TOLLIP: variants seen among roughly 807,000 people sequenced by gnomAD.
The protein encoded by TOLLIP is toll interacting protein, also known as toll-interacting protein.
In TOLLIP, 16 loss-of-function variants were observed where a neutral mutation model predicts 33.5. The ratio of observed to expected loss-of-function variants is 0.48; its 90% CI spans 0.32 to 0.72. The LOEUF (loss-of-function observed/expected upper bound fraction) is 0.72, where lower values mean the gene tolerates loss of function less well. Among genes scored for constraint, TOLLIP ranks in the 30% least tolerant of loss-of-function variants. The pLI, the probability that TOLLIP is intolerant of heterozygous loss-of-function variation, is 0.03. For synonymous variants in TOLLIP, 176 were observed against 163.7 expected, an observed-to-expected ratio of 1.07 and a Z score of -0.57; for missense variants, 325 against 396.6, an observed-to-expected ratio of 0.82 and a Z score of 1.53.
intron 1 of TOLLIP, among the ~76,000 whole-genome samples, chr11:1,308,679 TATC>T (rs1360608367): frequency 2.0e-5 from 3 of 152,274 alleles, no homozygotes; most frequent in Non-Finnish European, 4.4e-5. Flanking sequence ...TCCTGGCGCC[TATC>T]CTCTCATTTG....
At chr11:1,298,595 CTAATGATCAAGTG>C (rs1864179020) in intron 1 of TOLLIP, 1 of 152,242 alleles carries the variant, frequency 6.6e-6, no homozygotes, top group Non-Finnish European at 1.5e-5. Flanking sequence ...ATCCAAAGGC[CTAATGATCAAGTG>C]TCATTTTTCA....
In TOLLIP at chr11:1,290,111, G is replaced by A. The variant is rs1009805589; in HGVS notation, c.366+116C>T. 4.0e-6 allele frequency: 4 copies of A among 999,290 alleles called. No homozygotes were observed. In the African/African-American group the frequency reaches 6.4e-5, roughly 16 times the overall value. The allele number at this position is 999,290 out of a possible 1,614,324, so 61.9% of individuals were successfully genotyped here. A position where few individuals can be genotyped will look rare whatever the true frequency, so the allele number is the denominator to read the frequency against. On this transcript the variant is annotated intron_variant, in intron 3 of 5. Coordinates refer to ENST00000317204, the MANE Select transcript of TOLLIP (RefSeq NM_019009.4). The surrounding 1 kb of genome is among the most constrained non-coding windows in gnomAD (Gnocchi z 4.9). ...TGTCATGCACCCAATGAAACACCAG[G>A]TGGGGAGCCACGCCTCGAAGCCAGC...
rs183485200 is a variant in TOLLIP, at chr11:1,305,316, C to T, written c.33+4150G>A. Among the ~76,000 whole-genome samples the T allele has an allele frequency of 1.6e-4, 25 of 152,346 alleles. No homozygotes were observed. In the East Asian group the frequency reaches 3.1e-3, roughly 19 times the overall value. On this transcript the variant is annotated intron_variant, in intron 1 of 5. Transcript: ENST00000317204. ...CTCAGGTGCAGTCAGCAGGAACGGACGCCCTCCCAGGAGCAGCCCACCAGA... is the reference window on the plus strand; with the variant it reads ...CTCAGGTGCAGTCAGCAGGAACGGATGCCCTCCCAGGAGCAGCCCACCAGA...
At chr11:1,289,179 C>G (rs1265330819) in intron 3 of TOLLIP, among the ~76,000 whole-genome samples, 2 of 152,194 alleles carry the variant, frequency 1.3e-5, no homozygotes, top group Non-Finnish European at 2.9e-5. Flanking sequence ...CTGGAAAGGA[C>G]ACGGGGTCTG....
intron 4 of TOLLIP, among the ~76,000 whole-genome samples, chr11:1,288,265 C>T (rs1418038737): frequency 1.3e-5 from 2 of 152,198 alleles, no homozygotes; most frequent in Non-Finnish European, 2.9e-5. Flanking sequence ...TATCTCAGAC[C>T]CTGGAGGGCT....
intron 1 of TOLLIP, among the ~76,000 whole-genome samples, chr11:1,300,869 GC>G (rs2133927455): frequency 6.6e-6 from 1 of 152,306 alleles, no homozygotes; most frequent in African/African-American, 2.4e-5. Context: ...TCCATGACTG[GC>G]CCCCTGCGGA....
At chr11:1,285,236 G>A (rs537400118) in intron 5 of TOLLIP, among the ~76,000 whole-genome samples, 3 of 152,238 alleles carry the variant, frequency 2.0e-5, no homozygotes, top group South Asian at 4.1e-4. Context: ...TCCACCCTCC[G>A]TGCAGAGGGA....
Position 1,278,000 on chromosome 11 carries a change from C to T in TOLLIP, c.611-747G>A, listed in dbSNP as rs1353620859. On this transcript the variant is annotated intron_variant, in intron 5 of 5. Transcript: ENST00000317204. This position sits in a 1 kb window ranked among gnomAD's most constrained non-coding sequence, Gnocchi z 4.2. ...CTCCACCCCACAGCTACGCAGGCCC[C>T]TCGCCCCATGTCTGATGCGGGAGGA... Among the ~76,000 whole-genome samples, 1 of 152,226 alleles carries T rather than the reference C, an allele frequency of 6.6e-6. No homozygotes were observed. Among genetic ancestry groups the T allele is most frequent in the East Asian group, 1.9e-4 (1 of 5,200 alleles).
chr11:1,308,517 AGGCCC>A (rs1864480097), intron 1 of TOLLIP, among the ~76,000 whole-genome samples: 1 of 152,238 alleles, frequency 6.6e-6, no homozygotes, highest in African/African-American at 2.4e-5. Flanking sequence ...CAATGCAAGA[AGGCCC>A]TAACAGTGAG....
rs551140859 is a variant in TOLLIP at position 1,303,598 on chromosome 11, A to G, written c.33+5868T>C. 6.6e-6 allele frequency among the ~76,000 whole-genome samples: 1 copy of G among 152,368 alleles called. No homozygotes were observed. The highest frequency in any genetic ancestry group is 2.4e-5 in the African/African-American group (1 of 41,600). On this transcript the variant is annotated intron_variant, in intron 1 of 5. Transcript: ENST00000317204. This position sits in a 1 kb window ranked among gnomAD's most constrained non-coding sequence, Gnocchi z 4.2. ...GGGCACGCTGCACTTCCCACAGGGC[A>G]GCAAGGCAGGCCTCACCAGCACGGT...
intron 4 of TOLLIP, among the ~76,000 whole-genome samples, chr11:1,287,454 T>C (rs1471404564): frequency 2.0e-4 from 1 of 5,120 alleles, no homozygotes; most frequent in African/African-American, 5.8e-4. Context: ...CGCCGCACCC[T>C]CCCCGCCGCA....
chr11:1,289,373 C>A (rs1465696267), intron 3 of TOLLIP, among the ~76,000 whole-genome samples: 1 of 152,246 alleles, frequency 6.6e-6, no homozygotes, highest in Non-Finnish European at 1.5e-5. Flanking sequence ...CAGTCTCTAG[C>A]CTCACAATGC....
chr11:1,276,893 A>G lies in TOLLIP; in HGVS notation c.*146T>C. ...CGAAAACCCACATGCACCCAAGAACAGGTGTGGACGGGGCGGCACAGAAGT... is the reference window on the plus strand; with the variant it reads ...CGAAAACCCACATGCACCCAAGAACGGGTGTGGACGGGGCGGCACAGAAGT... On this transcript the variant is annotated 3_prime_UTR_variant, in exon 6 of 6. Coordinates refer to ENST00000317204, the MANE Select transcript of TOLLIP (RefSeq NM_019009.4). The G allele has an allele frequency of 1.9e-6, 3 of 1,554,282 alleles. No individual in the cohort carries two copies. In the South Asian group the frequency reaches 3.5e-5, roughly 18 times the overall value.
At chr11:1,299,088 G>A (rs541055438) in intron 1 of TOLLIP, among the ~76,000 whole-genome samples, 2 of 152,236 alleles carry the variant, frequency 1.3e-5, no homozygotes, top group Non-Finnish European at 2.9e-5. Context: ...AGCTGTTCCC[G>A]GGGAGGGGAG....
chr11:1,300,574 G>A (rs1011958287), intron 1 of TOLLIP, among the ~76,000 whole-genome samples: 3 of 152,196 alleles, frequency 2.0e-5, no homozygotes, highest in East Asian at 1.9e-4. Context: ...TTGGTGACAC[G>A]TCTCCAACGG....
At chr11:1,285,596 G>A (rs766389620) in intron 5 of TOLLIP, among the ~76,000 whole-genome samples, 4 of 152,094 alleles carry the variant, frequency 2.6e-5, no homozygotes, top group Non-Finnish European at 4.4e-5. Flanking sequence ...ACGGCGCAGC[G>A]CAGGGCACGC....
At position 1,290,756 on chromosome 11, in the gene TOLLIP, A is replaced by T. The variant is rs909778870; in HGVS notation, c.184-347T>A. Among the ~76,000 whole-genome samples, 32 of 152,184 alleles carry T rather than the reference A, an allele frequency of 2.1e-4. No individual in the cohort carries two copies. Among genetic ancestry groups the T allele is most frequent in the Admixed American group, 7.9e-4 (12 of 15,278 alleles). On this transcript the variant is annotated intron_variant, in intron 2 of 5. Transcript: ENST00000317204. The surrounding 1 kb of genome is among the most constrained non-coding windows in gnomAD (Gnocchi z 4.9). Reference sequence around the variant, plus strand: ...AGTGGCTGAGGAGGGAAAGAGGAGGAGGTCCCGGGACAGAGCTGAGAGCCA... The same window carrying T: ...AGTGGCTGAGGAGGGAAAGAGGAGGTGGTCCCGGGACAGAGCTGAGAGCCA...
rs369750923 is a variant in TOLLIP, at chr11:1,303,138, A to C, written c.33+6328T>G. 6.6e-6 allele frequency among the ~76,000 whole-genome samples: 1 copy of C among 152,366 alleles called. No homozygotes were observed. The highest frequency in any genetic ancestry group is 6.5e-5 in the Admixed American group (1 of 15,314). ...GCGGTGAAAGGGAAGAGTACAGGAC[A>C]GAATGAGAATAAGCATAGATTATAA... On this transcript the variant is annotated intron_variant, in intron 1 of 5. Coordinates refer to ENST00000317204, the MANE Select transcript of TOLLIP (RefSeq NM_019009.4). This position sits in a 1 kb window ranked among gnomAD's most constrained non-coding sequence, Gnocchi z 4.2.
At position 1,290,072 on chromosome 11, in the gene TOLLIP, G is replaced by A. The variant is rs918115834; in HGVS notation, c.366+155C>T. 61 of 656,658 alleles carry A rather than the reference G, an allele frequency of 9.3e-5. No homozygotes were observed. The Admixed American group carries it at 1.7e-3, about 19-fold the overall frequency. The allele number at this position is 656,658 out of a possible 1,614,324, so 40.7% of individuals were successfully genotyped here. A position where few individuals can be genotyped will look rare whatever the true frequency, so the allele number is the denominator to read the frequency against. On this transcript the variant is annotated intron_variant, in intron 3 of 5. Transcript: ENST00000317204. This position sits in a 1 kb window ranked among gnomAD's most constrained non-coding sequence, Gnocchi z 4.9. ...ACAATCCCTTTTTCACATTCCTTGG[G>A]GAGAGCAGGACCCTGTCATGCACCC...
Sources: gnomAD v4.1 joint callset for allele counts (sites outside exome capture counted in the v4.1 genomes callset) on GRCh38, gnomAD v4.1.1 for gene constraint, Gnocchi (gnomAD v3.1) non-coding constraint, MANE v1.5 for transcripts, NCBI Gene and HGNC (gene_info 2026-07-23, HGNC 2026-07-21) for gene names.